The following LAPTM4A variants were observed in gnomAD, a reference collection of about 807,000 sequenced individuals.
LAPTM4A encodes the protein lysosomal protein transmembrane 4 alpha, also known as lysosomal-associated transmembrane protein 4A.
LAPTM4A carries 19 observed loss-of-function variants against 29.9 expected under a neutral mutation model. The observed-to-expected ratio is 0.64, with a 90% CI of 0.44 to 0.93. The LOEUF (loss-of-function observed/expected upper bound fraction) is 0.93. Ranked by LOEUF, LAPTM4A falls within the 40% of genes least tolerant of loss-of-function variation. The pLI is 0.00. For synonymous variants in LAPTM4A, 105 were observed against 102.1 expected, an observed-to-expected ratio of 1.03 and a Z score of -0.17; for missense variants, 293 against 288.5, an observed-to-expected ratio of 1.02 and a Z score of -0.11.
intron 6 of LAPTM4A, among the ~76,000 whole-genome samples, chr2:20,033,930 G>A (rs934868346): frequency 6.6e-6 from 1 of 152,128 alleles, no homozygotes; most frequent in East Asian, 1.9e-4. Context: ...CATCTCCCCA[G>A]ACAGGTCAGC....
intron 2 of LAPTM4A, among the ~76,000 whole-genome samples, chr2:20,039,446 T>G (rs917974968): frequency 2.6e-5 from 4 of 152,230 alleles, no homozygotes; most frequent in African/African-American, 9.6e-5. Context: ...GTAATTCAAA[T>G]AATCGGCTTT....
intron 1 of LAPTM4A, among the ~76,000 whole-genome samples, chr2:20,049,076 C>T (rs1673999369): frequency 6.6e-6 from 1 of 152,226 alleles, no homozygotes. Context: ...TCCTCCTCAT[C>T]ACTGTACCAT....
rs531273513 is a variant in LAPTM4A at position 20,043,336 on chromosome 2, T to G, written c.112-2325A>C. Among the ~76,000 whole-genome samples, 4 of 149,330 alleles carry G rather than the reference T, an allele frequency of 2.7e-5. No homozygotes were observed. In the East Asian group the frequency reaches 6.2e-4, roughly 23 times the overall value. On this transcript the variant is annotated intron_variant, in intron 1 of 6. Coordinates refer to ENST00000175091, the MANE Select transcript of LAPTM4A (RefSeq NM_014713.5). ...TTCAGGCCATTCTCACACCTCAGCC[T>G]CCCGAGTAGCTGGGACTACAGGCGT...
intron 2 of LAPTM4A, 21 bp downstream of exon 2, chr2:20,040,870 G>C (rs754647566): frequency 1.2e-6 from 2 of 1,604,620 alleles, no homozygotes. Flanking sequence ...AGATTTTTTT[G>C]TTTTTCTATT....
Sources: gnomAD v4.1 joint callset for allele counts (sites outside exome capture counted in the v4.1 genomes callset) on GRCh38, gnomAD v4.1.1 for gene constraint, MANE v1.5 for transcripts, NCBI Gene and HGNC (gene_info 2026-07-23, HGNC 2026-07-21) for gene names.